Variants in ADAM12 observed in about 807,000 individuals in gnomAD.
ADAM12 encodes the protein ADAM metallopeptidase domain 12.
Under a neutral mutation model 106.4 loss-of-function variants are expected in ADAM12, and 70 were observed. The ratio of observed to expected loss-of-function variants is 0.66; its 90% CI spans 0.54 to 0.80. The LOEUF (loss-of-function observed/expected upper bound fraction) is 0.80. Among genes scored for constraint, ADAM12 ranks in the 30% least tolerant of loss-of-function variants. ADAM12 has a pLI of 0.00. For missense variants in ADAM12, 1,010 were observed against 1,171.9 expected (o/e 0.86, Z 2.02); for synonymous variants, 420 against 433.5 (o/e 0.97, Z 0.39).
chr10:126,157,181 A>G (rs1956835298), intron 3 of ADAM12, among the ~76,000 whole-genome samples: 1 of 152,122 alleles, frequency 6.6e-6, no homozygotes, highest in African/African-American at 2.4e-5. Flanking sequence ...TGTGGCCACC[A>G]CCTCCATCCT....
intron 16 of ADAM12, among the ~76,000 whole-genome samples, chr10:126,048,023 T>C (rs1306193474): frequency 6.6e-6 from 1 of 152,200 alleles, no homozygotes; most frequent in Non-Finnish European, 1.5e-5. Flanking sequence ...GCTGTTTTCA[T>C]AAGCAAATTA....
chr10:126,216,337 C>T (rs1957986954), intron 3 of ADAM12, among the ~76,000 whole-genome samples: 2 of 152,342 alleles, frequency 1.3e-5, no homozygotes, highest in South Asian at 4.1e-4. Flanking sequence ...AACAGCAAAG[C>T]CCACTTCGAA....
chr10:126,154,763 C>T (rs1260329293), intron 4 of ADAM12, among the ~76,000 whole-genome samples: 2 of 152,154 alleles, frequency 1.3e-5, no homozygotes, highest in Non-Finnish European at 2.9e-5. Flanking sequence ...GGATAAATGT[C>T]ATGTTACAGT....
intron 3 of ADAM12, among the ~76,000 whole-genome samples, chr10:126,200,179 G>C (rs1957672725): frequency 6.6e-6 from 1 of 152,162 alleles, no homozygotes; most frequent in African/African-American, 2.4e-5. Context: ...GTTAAGGTTG[G>C]CAAGAAGTGC....
chr10:126,187,581 C>T (rs1957422947), intron 3 of ADAM12, among the ~76,000 whole-genome samples: 1 of 152,150 alleles, frequency 6.6e-6, no homozygotes, highest in African/African-American at 2.4e-5. Flanking sequence ...GGAAACTCCA[C>T]CCCTGGGGCT....
intron 3 of ADAM12, among the ~76,000 whole-genome samples, chr10:126,170,960 A>G (rs1462582529): frequency 1.3e-5 from 2 of 152,222 alleles, no homozygotes; most frequent in Non-Finnish European, 2.9e-5. Context: ...CAAAGGACAG[A>G]TGTCAGTGAC....
intron 1 of ADAM12, among the ~76,000 whole-genome samples, chr10:126,356,895 A>G (rs1271760852): frequency 1.3e-5 from 2 of 152,230 alleles, no homozygotes; most frequent in African/African-American, 4.8e-5. Context: ...AAAAGAATTG[A>G]AGCAGATAAT....
chr10:126,101,237 T>C lies in ADAM12; in HGVS notation c.746A>G (p.Tyr249Cys), dbSNP rs1216900513. 1 of 1,612,684 alleles carries C rather than the reference T, an allele frequency of 6.2e-7. No individual in the cohort carries two copies. Among genetic ancestry groups the C allele is most frequent in the Admixed American group, 1.7e-5 (1 of 59,906 alleles). Reference sequence around the variant, plus strand: ...CACGATCCGAATGTTCAGTGGTCTGTAAAACTGGGCAAAACAGGCAAAACT... The same window carrying C: ...CACGATCCGAATGTTCAGTGGTCTGCAAAACTGGGCAAAACAGGCAAAACT... Reference protein sequence around the residue: ...IEIANHVDKFYRPLNIRIVLV... With the variant: ...IEIANHVDKFCRPLNIRIVLV... Residue 249 changes from tyrosine to cysteine, a missense_variant, in exon 9 of 23, where the codon TAC (tyrosine) becomes TGC (cysteine). Physicochemically the swap from Tyr to Cys is radical, Grantham distance 194. Coordinates refer to ENST00000448723, the MANE Select transcript of ADAM12 (RefSeq NM_001288973.2).
intron 1 of ADAM12, among the ~76,000 whole-genome samples, chr10:126,346,918 C>T (rs1352878101): frequency 1.3e-5 from 2 of 152,170 alleles, no homozygotes; most frequent in African/African-American, 4.8e-5. Context: ...ATGTGTGTCT[C>T]TGCACATGAG....
At chr10:126,279,099 C>T in intron 2 of ADAM12, 111 bp from the exon 3 acceptor site, 1 of 776,902 alleles carries the variant, frequency 1.3e-6, no homozygotes, top group South Asian at 1.6e-5. Context: ...TGCGGTCAAC[C>T]TAAGAAAGAG....
At chr10:126,289,621 C>A (rs750062553) in intron 2 of ADAM12, among the ~76,000 whole-genome samples, 4 of 152,160 alleles carry the variant, frequency 2.6e-5, no homozygotes, top group Non-Finnish European at 4.4e-5. Flanking sequence ...TAGGAGCATC[C>A]TAGGTTGAAA....
chr10:126,338,718 C>T (rs537129690), intron 1 of ADAM12, among the ~76,000 whole-genome samples: 4 of 152,282 alleles, frequency 2.6e-5, no homozygotes, highest in South Asian at 4.1e-4. Flanking sequence ...CAAATACATA[C>T]ATTCACTTTG....
chr10:126,307,629 C>T (rs1208234520), intron 2 of ADAM12, among the ~76,000 whole-genome samples: 1 of 152,180 alleles, frequency 6.6e-6, no homozygotes, highest in African/African-American at 2.4e-5. Context: ...CAACCTCCGC[C>T]TCCCAGGTTC....
At chr10:126,163,839 A>T (rs958215641) in intron 3 of ADAM12, among the ~76,000 whole-genome samples, 7 of 152,262 alleles carry the variant, frequency 4.6e-5, no homozygotes, top group African/African-American at 1.7e-4. Context: ...TGCCTAGCAT[A>T]GAAGAAGTGC....
rs550914706 is a variant in ADAM12, at chr10:126,143,787, A to G, written c.340-8127T>C. Among the ~76,000 whole-genome samples, 19 of 152,094 alleles carry G rather than the reference A, an allele frequency of 1.2e-4. No homozygotes were observed. In the South Asian group the frequency reaches 3.7e-3, roughly 30 times the overall value. On this transcript the variant is annotated intron_variant, in intron 4 of 22. Transcript: ENST00000448723. Reference sequence around the variant, plus strand: ...TCTGTGTTTCTGGGTGTGTGTATGTACATGCATGTCTGTTGCCAGCCTGCA... The same window carrying G: ...TCTGTGTTTCTGGGTGTGTGTATGTGCATGCATGTCTGTTGCCAGCCTGCA...
intron 3 of ADAM12, among the ~76,000 whole-genome samples, chr10:126,278,445 T>G (rs768298963): frequency 2.4e-4 from 37 of 152,166 alleles, no homozygotes; most frequent in Non-Finnish European, 4.9e-4. Flanking sequence ...GGACCAATTT[T>G]TAAAAATAAG....
chr10:126,020,744 A>G (rs943795908), intron 21 of ADAM12, among the ~76,000 whole-genome samples: 11 of 152,202 alleles, frequency 7.2e-5, no homozygotes, highest in South Asian at 2.1e-4. Context: ...TAACTCCAGC[A>G]CTTTGGGAGG....
intron 5 of ADAM12, among the ~76,000 whole-genome samples, chr10:126,131,798 C>T (rs1020875819): frequency 3.3e-5 from 5 of 152,178 alleles, no homozygotes; most frequent in Non-Finnish European, 7.3e-5. Flanking sequence ...TTTGCTATGG[C>T]AGCCCATGCT....
chr10:126,202,783 T>C (rs1957726401), intron 3 of ADAM12, among the ~76,000 whole-genome samples: 1 of 152,152 alleles, frequency 6.6e-6, no homozygotes, highest in African/African-American at 2.4e-5. Flanking sequence ...TCAAGTGGCT[T>C]CAAGTTGTAT....
Sources: gnomAD v4.1 joint callset for allele counts (sites outside exome capture counted in the v4.1 genomes callset) on GRCh38, gnomAD v4.1.1 for gene constraint, MANE v1.5 for transcripts, NCBI Gene and HGNC (gene_info 2026-07-23, HGNC 2026-07-21) for gene names.